Variants in PAG1 observed in about 807,000 individuals in gnomAD.
PAG1 encodes phosphoprotein associated with glycosphingolipid-enriched microdomains 1.
PAG1 carries 23 observed loss-of-function variants against 31.7 expected under a neutral mutation model. That is an observed-to-expected ratio of 0.73 (90% CI 0.52 to 1.03). PAG1 has a LOEUF of 1.03. Ranked by LOEUF, PAG1 falls within the 50% of genes least tolerant of loss-of-function variation. PAG1 has a pLI of 0.00. For missense variants in PAG1, 473 were observed against 540.7 expected, an observed-to-expected ratio of 0.87 and a Z score of 1.24; for synonymous variants, 214 against 210.3, an observed-to-expected ratio of 1.02 and a Z score of -0.15.
intron 1 of PAG1, among the ~76,000 whole-genome samples, chr8:81,090,841 T>C (rs1342584236): frequency 6.6e-6 from 1 of 152,212 alleles, no homozygotes; most frequent in Non-Finnish European, 1.5e-5. Context: ...CAAAAGACTC[T>C]ATGCCACATT....
rs2289830 is a variant in PAG1 at position 80,991,768 on chromosome 8, G to A, written c.126-238C>T. Reference sequence around the variant, plus strand: ...CACCTCCCCTGGCACCCCTTCTTCCGGGAAAAAACATACAAGTTCACAAGG... The same window carrying A: ...CACCTCCCCTGGCACCCCTTCTTCCAGGAAAAAACATACAAGTTCACAAGG... On this transcript the variant is annotated intron_variant, in intron 4 of 8. Transcript: ENST00000220597. 0.36 allele frequency among the ~76,000 whole-genome samples: 54,337 copies of A among 151,732 alleles called. 10,265 individuals carry two copies. Among genetic ancestry groups the A allele is most frequent in the East Asian group, 0.51 (2,603 of 5,150 alleles).
intron 3 of PAG1, among the ~76,000 whole-genome samples, chr8:81,014,582 G>A (rs1425083667): frequency 8.5e-5 from 13 of 152,148 alleles, no homozygotes; most frequent in Non-Finnish European, 1.5e-5. Flanking sequence ...GACATAAATC[G>A]TTGGGGATTC....
At chr8:81,018,563 C>A (rs1808110391) in intron 3 of PAG1, among the ~76,000 whole-genome samples, 1 of 152,172 alleles carries the variant, frequency 6.6e-6, no homozygotes, top group South Asian at 2.1e-4. Context: ...GCAGGTCTTT[C>A]CCATGCTGTT....
chr8:81,027,241 A>G (rs924834034), intron 3 of PAG1, among the ~76,000 whole-genome samples: 1 of 152,116 alleles, frequency 6.6e-6, no homozygotes, highest in African/African-American at 2.4e-5. Context: ...GACTCAAGCA[A>G]TCTGCCCACC....
intron 6 of PAG1, 98 bp from the exon 7 acceptor site, chr8:80,985,475 T>G: frequency 7.9e-7 from 1 of 1,263,872 alleles, no homozygotes; most frequent in South Asian, 1.6e-5. Context: ...TCAAGATGCG[T>G]GCTTTTTATT....
chr8:81,035,575 T>C (rs1363224681), intron 2 of PAG1, among the ~76,000 whole-genome samples: 1 of 152,150 alleles, frequency 6.6e-6, no homozygotes, highest in Non-Finnish European at 1.5e-5. Flanking sequence ...ACATTTAAAG[T>C]GTTTTCTGCT....
chr8:80,993,158 C>G lies in PAG1; in HGVS notation c.70G>C (p.Val24Leu), dbSNP rs771111705. Reference sequence around the variant, plus strand: ...AAGGTGATGACGAAGAAAATGGCGACAGCAGCCAGACTTCCCCACAGGGTG... The same window carrying G: ...AAGGTGATGACGAAGAAAATGGCGAGAGCAGCCAGACTTCCCCACAGGGTG... ...QITLWGSLAA[V>L]AIFFVITFLI... The change falls in exon 4 of 9, where the codon GTC becomes CTC. Residue 24 changes from valine to leucine, a missense_variant. By Grantham distance (32) the Val-to-Leu change is conservative. Coordinates refer to ENST00000220597, the MANE Select transcript of PAG1 (RefSeq NM_018440.4). 6.2e-7 allele frequency: 1 copy of G among 1,613,774 alleles called. No individual in the cohort carries two copies. The highest frequency in any genetic ancestry group is 8.5e-7 in the Non-Finnish European group (1 of 1,179,930).
chr8:81,052,583 T>C (rs1808751296), intron 2 of PAG1, among the ~76,000 whole-genome samples: 2 of 152,222 alleles, frequency 1.3e-5, no homozygotes, highest in Admixed American at 1.3e-4. Flanking sequence ...GCTTTAAAAG[T>C]CTACAGATAA....
intron 8 of PAG1, 75 bp downstream of exon 8, chr8:80,980,360 A>G (rs1807273838): frequency 1.2e-6 from 1 of 810,924 alleles, no homozygotes; most frequent in Non-Finnish European, 2.1e-6. Context: ...GGGTAACATT[A>G]CAGTGCATTT....
At chr8:81,092,548 A>G (rs1185656069) in intron 1 of PAG1, among the ~76,000 whole-genome samples, 4 of 152,254 alleles carry the variant, frequency 2.6e-5, no homozygotes, top group African/African-American at 4.8e-5. Flanking sequence ...TCAACTAACC[A>G]TCAAATGTTG....
chr8:81,095,164 T>TTTA (rs2131084130), intron 1 of PAG1, among the ~76,000 whole-genome samples: 2 of 152,304 alleles, frequency 1.3e-5, no homozygotes, highest in Admixed American at 1.3e-4. Context: ...AAAAGCATTT[T>TTTA]AACAAGTTCA....
intron 1 of PAG1, among the ~76,000 whole-genome samples, chr8:81,088,227 T>C (rs1487929900): frequency 6.6e-6 from 1 of 152,224 alleles, no homozygotes; most frequent in Non-Finnish European, 1.5e-5. Flanking sequence ...GAACACTGTG[T>C]TTCAGCAGTA....
At chr8:80,992,857 G>A (rs79579568) in intron 4 of PAG1, among the ~76,000 whole-genome samples, 1,696 of 152,284 alleles carry the variant, frequency 0.011, 31 homozygotes, top group African/African-American at 0.039. Context: ...CTTTCATTCT[G>A]GGAAGTTTAA....
intron 3 of PAG1, among the ~76,000 whole-genome samples, chr8:81,000,254 T>G (rs949709143): frequency 6.6e-6 from 1 of 152,174 alleles, no homozygotes; most frequent in Non-Finnish European, 1.5e-5. Context: ...CAGGAATTTT[T>G]ATTGAATACA....
intron 2 of PAG1, among the ~76,000 whole-genome samples, chr8:81,045,012 A>G (rs1314501260): frequency 6.6e-6 from 1 of 152,140 alleles, no homozygotes; most frequent in Non-Finnish European, 1.5e-5. Flanking sequence ...TTGTTTATGC[A>G]TACCTATCAT....
intron 3 of PAG1, among the ~76,000 whole-genome samples, chr8:81,026,171 C>T (rs1254165096): frequency 6.6e-6 from 1 of 151,968 alleles, no homozygotes. Context: ...CCAGTGCTTG[C>T]CTCGCTGTAG....
chr8:80,992,970 T>C, intron 4 of PAG1, 133 bp downstream of exon 4: 1 of 675,790 alleles, frequency 1.5e-6, no homozygotes, highest in East Asian at 2.8e-5. Flanking sequence ...GAGAAGAGAG[T>C]TAAAGCTAAT....
At chr8:81,077,471 A>G (rs1234726520) in intron 1 of PAG1, among the ~76,000 whole-genome samples, 3 of 152,262 alleles carry the variant, frequency 2.0e-5, no homozygotes, top group Non-Finnish European at 2.9e-5. Context: ...GAACACTGCA[A>G]TAATGGTAAT....
intron 1 of PAG1, among the ~76,000 whole-genome samples, chr8:81,100,642 G>A (rs1189541303): frequency 5.3e-5 from 8 of 152,188 alleles, no homozygotes; most frequent in Middle Eastern, 3.2e-3. Flanking sequence ...AACCGATGGC[G>A]GACGCATTTC....
Sources: gnomAD v4.1 joint callset for allele counts (sites outside exome capture counted in the v4.1 genomes callset) on GRCh38, gnomAD v4.1.1 for gene constraint, MANE v1.5 for transcripts, NCBI Gene and HGNC (gene_info 2026-07-23, HGNC 2026-07-21) for gene names.